TDRP: variants seen among roughly 807,000 people sequenced by gnomAD.
The protein encoded by TDRP is testis development related protein, also known as testis development-related protein.
Under a neutral mutation model 10.5 loss-of-function variants are expected in TDRP, and 12 were observed. The ratio of observed to expected loss-of-function variants is 1.15; its 90% CI spans 0.73 to 1.86. The LOEUF is 1.86. TDRP is among the 40% of genes most tolerant of loss of function. The pLI is 0.00. For synonymous variants in TDRP, 139 were observed against 95.4 expected (o/e 1.46, Z -2.67); for missense variants, 353 against 229.2 (o/e 1.54, Z -3.49).
chr8:513,330 G>C (rs892490334), intron 1 of TDRP, among the ~76,000 whole-genome samples: 1 of 151,862 alleles, frequency 6.6e-6, no homozygotes. Flanking sequence ...TAATCAAGTG[G>C]GATTTATCTC....
chr8:537,856 G>C (rs1284518565), intron 1 of TDRP, among the ~76,000 whole-genome samples: 4 of 152,020 alleles, frequency 2.6e-5, no homozygotes, highest in Admixed American at 6.5e-5. Context: ...GAATACAATG[G>C]GTTTTACCTA....
At position 511,611 on chromosome 8, in the gene TDRP, A is replaced by C. The variant is rs199511120; in HGVS notation, c.109-17014T>G. On this transcript the variant is annotated intron_variant, in intron 1 of 2. Transcript: ENST00000324079. ...TACAAACTAATAAGACCTAACAGAT[A>C]GTTACAGAACTCTCCAACAATAGAA... Among the ~76,000 whole-genome samples, 12 of 152,246 alleles carry C rather than the reference A, an allele frequency of 7.9e-5. 1 individual carries two copies. In the East Asian group the frequency reaches 2.3e-3, roughly 29 times the overall value.
intron 1 of TDRP, among the ~76,000 whole-genome samples, chr8:500,679 A>T (rs925071854): frequency 1.1e-4 from 16 of 152,336 alleles, no homozygotes; most frequent in African/African-American, 3.6e-4. Flanking sequence ...TTATCCCAAT[A>T]AAGCAGATGG....
chr8:507,535 T>C (rs1160356294), intron 1 of TDRP, among the ~76,000 whole-genome samples: 1 of 152,160 alleles, frequency 6.6e-6, no homozygotes, highest in East Asian at 1.9e-4. Context: ...AGCAGCTGCA[T>C]GCGGTCACGG....
At chr8:533,632 G>A (rs888625012) in intron 1 of TDRP, among the ~76,000 whole-genome samples, 9 of 152,158 alleles carry the variant, frequency 5.9e-5, no homozygotes, top group African/African-American at 1.9e-4. Flanking sequence ...ACAACCAAGG[G>A]GTTACTCAGA....
chr8:503,374 A>G (rs1376268982), intron 1 of TDRP, among the ~76,000 whole-genome samples: 1 of 151,222 alleles, frequency 6.6e-6, no homozygotes, highest in Admixed American at 6.6e-5. Context: ...CCAGAGCTGC[A>G]CATCAGAACC....
chr8:528,556 C>G (rs2116846087), intron 1 of TDRP, among the ~76,000 whole-genome samples: 1 of 142,684 alleles, frequency 7.0e-6, no homozygotes, highest in East Asian at 2.2e-4. Context: ...AGCATAAGAT[C>G]TGGTACTTGA....
chr8:494,465 G>T, intron 2 of TDRP, 29 bp downstream of exon 2: 1 of 1,599,338 alleles, frequency 6.3e-7, no homozygotes. Flanking sequence ...CTCCTGAAAT[G>T]ATCATTTTCT....
At chr8:514,434 T>C (rs1801699048) in intron 1 of TDRP, among the ~76,000 whole-genome samples, 1 of 152,190 alleles carries the variant, frequency 6.6e-6, no homozygotes, top group Non-Finnish European at 1.5e-5. Context: ...TCTTCACACC[T>C]GCCTCCCACC....
rs528191210 is a variant in TDRP at position 491,692 on chromosome 8, A to C, written c.*707T>G. 1 of 1,497,880 alleles carries C rather than the reference A, an allele frequency of 6.7e-7. No individual in the cohort carries two copies. The highest frequency in any genetic ancestry group is 1.4e-5 in the African/African-American group (1 of 70,824). 92.8% of individuals were successfully genotyped at this position (1,497,880 alleles called of 1,614,324 possible). A position where few individuals can be genotyped will look rare whatever the true frequency, so the allele number is the denominator to read the frequency against. On this transcript the variant is annotated 3_prime_UTR_variant, in exon 3 of 3. Coordinates refer to ENST00000324079, the MANE Select transcript of TDRP (RefSeq NM_001384899.1). Reference sequence around the variant, plus strand: ...TAATCTGTAAACAAAAAAGAGAGCAAATGTTTTAAGAAAATAAAGGGACCG... The same window carrying C: ...TAATCTGTAAACAAAAAAGAGAGCACATGTTTTAAGAAAATAAAGGGACCG...
intron 1 of TDRP, among the ~76,000 whole-genome samples, chr8:509,275 G>A (rs1563121439): frequency 6.6e-6 from 1 of 152,200 alleles, no homozygotes; most frequent in Non-Finnish European, 1.5e-5. Context: ...TGCCCCAGAG[G>A]GGACTCTCTG....
At chr8:523,612 G>A (rs1801961194) in intron 1 of TDRP, among the ~76,000 whole-genome samples, 1 of 152,176 alleles carries the variant, frequency 6.6e-6, no homozygotes, top group African/African-American at 2.4e-5. Flanking sequence ...TTCACGAGCT[G>A]ACTAAAGAGC....
chr8:544,450 G>T (rs906156314), intron 1 of TDRP, among the ~76,000 whole-genome samples, 200 bp downstream of exon 1: 1 of 152,082 alleles, frequency 6.6e-6, no homozygotes, highest in African/African-American at 2.4e-5. Context: ...CTCAGCCCAG[G>T]ACGAGCCTCG....
At chr8:508,057 T>G (rs1801512095) in intron 1 of TDRP, among the ~76,000 whole-genome samples, 1 of 152,062 alleles carries the variant, frequency 6.6e-6, no homozygotes, top group South Asian at 2.1e-4. Flanking sequence ...AGAAGAAGAC[T>G]TCAAAGAACC....
At position 528,178 on chromosome 8, in the gene TDRP, T is replaced by C. The variant is rs888196809; in HGVS notation, c.108+16472A>G. Among the ~76,000 whole-genome samples, 26 of 152,218 alleles carry C rather than the reference T, an allele frequency of 1.7e-4. 1 individual carries two copies. The highest frequency in any genetic ancestry group is 2.9e-5 in the Non-Finnish European group (2 of 68,046). ...AAAAGGTATTCAACATCAGTGATCA[T>C]CAGAGGAATGCAAGTCAAAACTACA... is the stretch of plus-strand genomic sequence containing the variant. On this transcript the variant is annotated intron_variant, in intron 1 of 2. Coordinates refer to ENST00000324079, the MANE Select transcript of TDRP (RefSeq NM_001384899.1).
chr8:499,745 G>C (rs1051184591), intron 1 of TDRP, among the ~76,000 whole-genome samples: 7 of 152,204 alleles, frequency 4.6e-5, no homozygotes, highest in Non-Finnish European at 8.8e-5. Context: ...TTCCCTCTGA[G>C]CATCCCCCGG....
In TDRP at chr8:490,516, T is replaced by A. The variant is rs993699903; in HGVS notation, c.*1883A>T. On this transcript the variant is annotated 3_prime_UTR_variant, in exon 3 of 3. Coordinates refer to ENST00000324079, the MANE Select transcript of TDRP (RefSeq NM_001384899.1). ...GTCCCCATCTCCCCACACACGTGAT[T>A]TCCAGAGTTTCAAACACAGTGTTTA... The A allele has an allele frequency of 3.3e-5, 5 of 152,176 alleles. No individual in the cohort carries two copies. The highest frequency in any genetic ancestry group is 5.9e-5 in the Non-Finnish European group (4 of 68,028). The allele number at this position is 152,176 out of a possible 1,614,324, so 9.4% of individuals were successfully genotyped here. A position where few individuals can be genotyped will look rare whatever the true frequency, so the allele number is the denominator to read the frequency against.
rs557406697 is a variant in TDRP, at chr8:491,502, C to A, written c.*897G>T. On this transcript the variant is annotated 3_prime_UTR_variant, in exon 3 of 3. Transcript: ENST00000324079. ...GGAAAAAACACAGCTTCTTACAGAT[C>A]TAACACCAATCACAATAGGCATCTC... is the stretch of plus-strand genomic sequence containing the variant. The A allele has an allele frequency of 9.3e-7, 1 of 1,078,040 alleles. No individual in the cohort carries two copies. The highest frequency in any genetic ancestry group is 1.8e-5 in the South Asian group (1 of 55,778). The allele number at this position is 1,078,040 out of a possible 1,614,324, so 66.8% of individuals were successfully genotyped here. A position where few individuals can be genotyped will look rare whatever the true frequency, so the allele number is the denominator to read the frequency against.
chr8:493,970 G>A (rs556715763), intron 2 of TDRP, among the ~76,000 whole-genome samples: 61 of 143,058 alleles, frequency 4.3e-4, no homozygotes, highest in Admixed American at 2.5e-3. Context: ...TTTTTTCATC[G>A]AACACCACAA....
Sources: allele counts gnomAD v4.1 joint callset (sites outside exome capture counted in the v4.1 genomes callset), GRCh38; gene constraint gnomAD v4.1.1; transcripts MANE v1.5; gene names NCBI Gene and HGNC (gene_info 2026-07-23, HGNC 2026-07-21).